MAPKAP1: variants seen among roughly 807,000 people sequenced by gnomAD.
MAPKAP1 encodes the protein MAPK associated protein 1.
MAPKAP1 carries 20 observed loss-of-function variants against 65.7 expected under a neutral mutation model. The observed-to-expected ratio is 0.30, with a 90% CI of 0.21 to 0.44. The LOEUF is 0.44. Ranked by LOEUF, MAPKAP1 falls within the 20% of genes least tolerant of loss-of-function variation. MAPKAP1 has a pLI of 1.00. For missense variants in MAPKAP1, 423 were observed against 648.0 expected, an observed-to-expected ratio of 0.65 and a Z score of 3.77; for synonymous variants, 222 against 244.3, an observed-to-expected ratio of 0.91 and a Z score of 0.85.
At chr9:125,441,703 A>G (rs1852490418) in intron 11 of MAPKAP1, among the ~76,000 whole-genome samples, 1 of 152,196 alleles carries the variant, frequency 6.6e-6, no homozygotes, top group African/African-American at 2.4e-5. Flanking sequence ...TCTGATGGCA[A>G]CAACATTTCT....
intron 4 of MAPKAP1, among the ~76,000 whole-genome samples, chr9:125,654,780 T>C (rs1833984923): frequency 6.6e-6 from 1 of 152,218 alleles, no homozygotes; most frequent in Non-Finnish European, 1.5e-5. Flanking sequence ...ACACTATATG[T>C]GCCTGCTTGA....
Position 125,452,633 on chromosome 9 carries a change from C to T in MAPKAP1, c.1346-8035G>A, listed in dbSNP as rs541420654. 3.4e-4 allele frequency among the ~76,000 whole-genome samples: 52 copies of T among 152,034 alleles called. 1 individual carries two copies. Among genetic ancestry groups the T allele is most frequent in the African/African-American group, 1.1e-3 (47 of 41,478 alleles). ...ATCAACATTTATTGTGTTAGAAATT[C>T]GGCCAGGTGTGGTGGCTCACGCCTG... On this transcript the variant is annotated intron_variant, in intron 10 of 11. Transcript: ENST00000265960.
intron 10 of MAPKAP1, among the ~76,000 whole-genome samples, chr9:125,452,794 C>T (rs1361194545): frequency 2.0e-5 from 3 of 151,638 alleles, no homozygotes; most frequent in Non-Finnish European, 2.9e-5. Flanking sequence ...GGCTGAGGCA[C>T]GAGAATTTTG....
At chr9:125,488,281 C>T (rs997216445) in intron 8 of MAPKAP1, among the ~76,000 whole-genome samples, 1 of 152,182 alleles carries the variant, frequency 6.6e-6, no homozygotes, top group African/African-American at 2.4e-5. Flanking sequence ...CTGTACTCGC[C>T]TCCAATTCAC....
At chr9:125,691,598 TAAG>T (rs1465978890) in intron 1 of MAPKAP1, among the ~76,000 whole-genome samples, 4 of 151,596 alleles carry the variant, frequency 2.6e-5, no homozygotes, top group African/African-American at 7.3e-5. Context: ...GGAGAATATG[TAAG>T]AAGAACAGTA....
chr9:125,500,081 T>A (rs1025821242), intron 8 of MAPKAP1, among the ~76,000 whole-genome samples: 2 of 152,246 alleles, frequency 1.3e-5, no homozygotes, highest in Admixed American at 1.3e-4. Context: ...TGGAACAATA[T>A]GAGTATTAAT....
intron 4 of MAPKAP1, chr9:125,596,096 G>A (rs547932333): frequency 2.1e-6 from 2 of 936,288 alleles, no homozygotes; most frequent in African/African-American, 1.6e-5. Context: ...GCAGTGGCAA[G>A]AAAAGGGGAC....
At position 125,690,222 on chromosome 9, in the gene MAPKAP1, T is replaced by TA. The variant is rs199891580; in HGVS notation, c.-70+16748dup. On this transcript the variant is annotated intron_variant, in intron 1 of 11. Transcript: ENST00000265960. ...TTTCCAACTTAGCCACCTTAATAGT[T>TA]AAAAAAAAGAGAGAGAGCTGGCAAT... Among the ~76,000 whole-genome samples, 788 of 151,876 alleles carry TA rather than the reference T, an allele frequency of 5.2e-3. 6 individuals are homozygous for TA. Among genetic ancestry groups the TA allele is most frequent in the African/African-American group, 0.015 (607 of 41,422 alleles).
At chr9:125,538,230 T>C (rs1830129004) in intron 7 of MAPKAP1, among the ~76,000 whole-genome samples, 1 of 152,152 alleles carries the variant, frequency 6.6e-6, no homozygotes, top group African/African-American at 2.4e-5. Context: ...AACAACAGAC[T>C]GGAGAGAGGC....
chr9:125,678,556 A>G (rs1214590792), intron 1 of MAPKAP1, among the ~76,000 whole-genome samples: 1 of 152,130 alleles, frequency 6.6e-6, no homozygotes, highest in African/African-American at 2.4e-5. Flanking sequence ...CATTTTTAAT[A>G]TACTAGGTGG....
chr9:125,454,083 T>G (rs1332186278), intron 10 of MAPKAP1, among the ~76,000 whole-genome samples: 2 of 152,224 alleles, frequency 1.3e-5, no homozygotes, highest in African/African-American at 4.8e-5. Context: ...AGCTTGCAAT[T>G]CAAATAATTA....
chr9:125,442,517 A>AAT (rs2132920953), intron 11 of MAPKAP1, among the ~76,000 whole-genome samples: 1 of 148,164 alleles, frequency 6.7e-6, no homozygotes, highest in Admixed American at 6.8e-5. Flanking sequence ...TCAAGTCTTG[A>AAT]ATATTTTAAT....
At chr9:125,583,520 A>G (rs1188903215) in intron 5 of MAPKAP1, among the ~76,000 whole-genome samples, 2 of 152,214 alleles carry the variant, frequency 1.3e-5, no homozygotes, top group African/African-American at 2.4e-5. Context: ...TTTCACCTAT[A>G]ACAGAGTTCC....
chr9:125,550,377 A>T (rs934416958), intron 6 of MAPKAP1, among the ~76,000 whole-genome samples: 2 of 152,238 alleles, frequency 1.3e-5, no homozygotes, highest in Non-Finnish European at 2.9e-5. Flanking sequence ...GGGAAGCATC[A>T]CCAAACCAAT....
intron 3 of MAPKAP1, among the ~76,000 whole-genome samples, chr9:125,659,717 TA>T (rs68111625): frequency 2.4e-4 from 35 of 144,496 alleles, no homozygotes; most frequent in African/African-American, 3.8e-4. Flanking sequence ...CACTGCTCAT[TA>T]AAAAAAAAAA....
chr9:125,661,648 AC>A (rs1349874307), intron 3 of MAPKAP1, among the ~76,000 whole-genome samples: 4 of 152,350 alleles, frequency 2.6e-5, no homozygotes, highest in South Asian at 4.1e-4. Context: ...TGGACAAAAA[AC>A]CTTTTTAAAA....
chr9:125,480,438 G>A (rs1403265617), intron 9 of MAPKAP1, among the ~76,000 whole-genome samples: 1 of 152,034 alleles, frequency 6.6e-6, no homozygotes, highest in Non-Finnish European at 1.5e-5. Context: ...CACAAGTGAC[G>A]CCCCAGCCTC....
At chr9:125,452,293 T>C (rs1374789743) in intron 10 of MAPKAP1, among the ~76,000 whole-genome samples, 1 of 151,964 alleles carries the variant, frequency 6.6e-6, no homozygotes, top group Non-Finnish European at 1.5e-5. Context: ...GAGATGGGGT[T>C]TTGCCATGTT....
chr9:125,549,426 C>T lies in MAPKAP1; in HGVS notation c.849-6258G>A, dbSNP rs550939437. Reference sequence around the variant, plus strand: ...AGGCCTTGTAATAACTGCAGCATGCCTGCTTTAAAATAAGTCCTCTGAGTA... The same window carrying T: ...AGGCCTTGTAATAACTGCAGCATGCTTGCTTTAAAATAAGTCCTCTGAGTA... On this transcript the variant is annotated intron_variant, in intron 6 of 11. Transcript: ENST00000265960. 7.2e-5 allele frequency among the ~76,000 whole-genome samples: 11 copies of T among 152,292 alleles called. No individual in the cohort carries two copies. The South Asian group carries it at 2.3e-3, about 32-fold the overall frequency.
Sources: allele counts gnomAD v4.1 joint callset (sites outside exome capture counted in the v4.1 genomes callset), GRCh38; gene constraint gnomAD v4.1.1; transcripts MANE v1.5; gene names NCBI Gene and HGNC (gene_info 2026-07-23, HGNC 2026-07-21).